The following MAF variants were observed in gnomAD, a reference collection of about 807,000 sequenced individuals.
MAF encodes transcription factor Maf.
A neutral mutation model predicts 22.0 loss-of-function variants in MAF; 10 were observed. The observed-to-expected ratio is 0.45, with a 90% CI of 0.28 to 0.77. The LOEUF (loss-of-function observed/expected upper bound fraction) is 0.77. MAF is among the 30% of genes least tolerant of loss of function. MAF has a pLI of 0.12. For synonymous variants in MAF, 337 were observed against 255.8 expected (o/e 1.32, Z -3.03); for missense variants, 544 against 548.4 (o/e 0.99, Z 0.08).
the MAF span, among the ~76,000 whole-genome samples, chr16:79,408,078 CAAAAAAA>C: frequency 1.3e-4 from 11 of 81,556 alleles, no homozygotes; most frequent in South Asian, 6.7e-4. Flanking sequence ...TTTTACCTTT[CAAAAAAA>C]AAAAAAAAAA....
the MAF span, among the ~76,000 whole-genome samples, chr16:79,520,510 C>T: frequency 3.3e-5 from 5 of 152,050 alleles, no homozygotes; most frequent in South Asian, 6.2e-4. Context: ...TGCTTGCATG[C>T]GTCCCCCAGG....
the MAF span, among the ~76,000 whole-genome samples, chr16:79,256,009 A>C: frequency 8.0e-6 from 1 of 124,872 alleles, no homozygotes; most frequent in Non-Finnish European, 1.6e-5. Flanking sequence ...GTGAGATGGA[A>C]TCTTGCTGTA....
At chr16:79,492,483 GA>G in the MAF span, among the ~76,000 whole-genome samples, 10 of 148,830 alleles carry the variant, frequency 6.7e-5, no homozygotes, top group African/African-American at 2.0e-4. Flanking sequence ...TATAGCAAAA[GA>G]AAAAAAAAAT....
chr16:79,534,488 C>A, the MAF span, among the ~76,000 whole-genome samples: 1 of 151,702 alleles, frequency 6.6e-6, no homozygotes, highest in Non-Finnish European at 1.5e-5. Context: ...GAATTACATG[C>A]GATATCCTTT....
downstream of MAF, among the ~76,000 whole-genome samples, chr16:79,589,622 A>C (rs1913064504): frequency 1.3e-5 from 2 of 152,202 alleles, no homozygotes; most frequent in South Asian, 4.1e-4. Context: ...AGGGGGTCTC[A>C]AGGTGAAGGG....
chr16:79,301,895 G>A, the MAF span, among the ~76,000 whole-genome samples: 1 of 152,224 alleles, frequency 6.6e-6, no homozygotes, highest in African/African-American at 2.4e-5. Context: ...AAGTGGCTCA[G>A]AGAAGTTAGG....
the MAF span, among the ~76,000 whole-genome samples, chr16:79,215,461 G>C: frequency 2.0e-5 from 3 of 152,156 alleles, no homozygotes; most frequent in Admixed American, 2.0e-4. Context: ...GTAAAGCCAC[G>C]AGAAAGAAGA....
downstream of MAF, among the ~76,000 whole-genome samples, chr16:79,584,053 G>A (rs1912692033): frequency 6.6e-6 from 1 of 151,994 alleles, no homozygotes; most frequent in African/African-American, 2.4e-5. Context: ...TACCACTTGG[G>A]ATGAATATTT....
the MAF span, among the ~76,000 whole-genome samples, chr16:79,250,064 C>G: frequency 6.6e-6 from 1 of 152,182 alleles, no homozygotes; most frequent in Non-Finnish European, 1.5e-5. Context: ...TATTTTGAAT[C>G]TGAGTTGAAT....
At chr16:79,566,973 T>C in the MAF span, among the ~76,000 whole-genome samples, 1 of 152,198 alleles carries the variant, frequency 6.6e-6, no homozygotes, top group East Asian at 1.9e-4. Flanking sequence ...GGTAATCTTT[T>C]GGCTGTCTGG....
At chr16:79,495,195 C>T in the MAF span, among the ~76,000 whole-genome samples, 2 of 152,118 alleles carry the variant, frequency 1.3e-5, no homozygotes, top group South Asian at 4.2e-4. Context: ...AACTCGGTGG[C>T]TCATGCCTGT....
chr16:79,444,879 C>G, the MAF span, among the ~76,000 whole-genome samples: 1 of 152,018 alleles, frequency 6.6e-6, no homozygotes, highest in Non-Finnish European at 1.5e-5. Flanking sequence ...TTGCATGGGC[C>G]AAGAGGATCA....
the MAF span, among the ~76,000 whole-genome samples, chr16:79,514,232 G>A: frequency 6.6e-6 from 1 of 152,224 alleles, no homozygotes; most frequent in African/African-American, 2.4e-5. Context: ...TGGAGTCGCT[G>A]GGAAGGGACC....
the MAF span, among the ~76,000 whole-genome samples, chr16:79,390,392 G>A: frequency 6.6e-6 from 1 of 152,080 alleles, no homozygotes; most frequent in Admixed American, 6.6e-5. Context: ...CACTTTAATA[G>A]CTCTGGCTGA....
chr16:79,597,582 T>A, intron 1 of MAF: 4 of 1,022,418 alleles, frequency 3.9e-6, no homozygotes, highest in Middle Eastern at 4.6e-4. Flanking sequence ...CATTGGGAGG[T>A]TGAAGTTCTG....
At chr16:79,484,031 A>G in the MAF span, among the ~76,000 whole-genome samples, 1 of 152,110 alleles carries the variant, frequency 6.6e-6, no homozygotes, top group South Asian at 2.1e-4. Flanking sequence ...CAGGCTAGTG[A>G]TAGCAACCAG....
At chr16:79,311,618 C>A in the MAF span, among the ~76,000 whole-genome samples, 130 of 152,186 alleles carry the variant, frequency 8.5e-4, no homozygotes, top group African/African-American at 3.0e-3. Flanking sequence ...GCAGCCAAGC[C>A]CAGGTTGGAC....
At chr16:79,476,910 G>A in the MAF span, among the ~76,000 whole-genome samples, 1 of 152,160 alleles carries the variant, frequency 6.6e-6, no homozygotes, top group Non-Finnish European at 1.5e-5. Context: ...TCTGAGGAGA[G>A]TGGCCTTTGA....
At chr16:79,221,833 C>T in the MAF span, among the ~76,000 whole-genome samples, 1 of 152,144 alleles carries the variant, frequency 6.6e-6, no homozygotes, top group East Asian at 1.9e-4. Flanking sequence ...ACTAATAGAT[C>T]TGTGAAGTTC....
Sources: gnomAD v4.1 joint callset for allele counts (sites outside exome capture counted in the v4.1 genomes callset) on GRCh38, gnomAD v4.1.1 for gene constraint, MANE v1.5 for transcripts, NCBI Gene and HGNC (gene_info 2026-07-23, HGNC 2026-07-21) for gene names.